The following GLIS3 variants were observed in gnomAD, a reference collection of about 807,000 sequenced individuals.
The protein encoded by GLIS3 is GLIS family zinc finger 3.
A neutral mutation model predicts 78.6 loss-of-function variants in GLIS3; 53 were observed. The ratio of observed to expected loss-of-function variants is 0.67; its 90% CI spans 0.54 to 0.85. The LOEUF (loss-of-function observed/expected upper bound fraction) is 0.85. GLIS3 is among the 40% of genes least tolerant of loss of function. GLIS3 has a pLI of 0.00. For synonymous variants in GLIS3, 684 were observed against 509.9 expected, an observed-to-expected ratio of 1.34 and a Z score of -4.60; for missense variants, 1,703 against 1,231.1, an observed-to-expected ratio of 1.38 and a Z score of -5.74.
intron 4 of GLIS3, among the ~76,000 whole-genome samples, chr9:4,021,938 C>A (rs1014866703): frequency 6.6e-6 from 1 of 152,186 alleles, no homozygotes; most frequent in Non-Finnish European, 1.5e-5. Context: ...AGAAACCAGA[C>A]ACACACAGTC....
At chr9:4,315,714 G>T (rs557807734) in intron 2 of GLIS3, among the ~76,000 whole-genome samples, 1 of 152,266 alleles carries the variant, frequency 6.6e-6, no homozygotes, top group South Asian at 2.1e-4. Context: ...TTTGGGGCCA[G>T]CCTCTCTTGA....
chr9:4,211,005 TCTC>T (rs1820326561), intron 2 of GLIS3, among the ~76,000 whole-genome samples: 1 of 152,170 alleles, frequency 6.6e-6, no homozygotes, highest in Admixed American at 6.5e-5. Context: ...ACCACACTCT[TCTC>T]CACTTAAGTA....
the GLIS3 span, among the ~76,000 whole-genome samples, chr9:4,468,123 G>A: frequency 3.3e-5 from 5 of 152,206 alleles, no homozygotes; most frequent in Non-Finnish European, 7.3e-5. Context: ...AAGCCTCCAA[G>A]AAATATGGGA....
intron 4 of GLIS3, among the ~76,000 whole-genome samples, chr9:4,030,064 C>T (rs1027947744): frequency 6.6e-6 from 1 of 152,140 alleles, no homozygotes; most frequent in African/African-American, 2.4e-5. Context: ...TTTCCACCAA[C>T]AGTGTATGAA....
intron 2 of GLIS3, among the ~76,000 whole-genome samples, chr9:4,319,741 G>T (rs1817494866): frequency 6.6e-6 from 1 of 152,062 alleles, no homozygotes; most frequent in African/African-American, 2.4e-5. Context: ...TGTTGCCCAG[G>T]ATGGTTTTGA....
At chr9:4,198,508 A>G (rs1819069524) in intron 2 of GLIS3, among the ~76,000 whole-genome samples, 1 of 152,204 alleles carries the variant, frequency 6.6e-6, no homozygotes, top group East Asian at 1.9e-4. Flanking sequence ...ACAAAACTAA[A>G]GAAAAAAAGA....
chr9:3,959,778 G>A (rs1209423668), intron 4 of GLIS3, among the ~76,000 whole-genome samples: 2 of 152,208 alleles, frequency 1.3e-5, no homozygotes, highest in Non-Finnish European at 2.9e-5. Context: ...TTTGGAGACA[G>A]GGTCTTTCCA....
At chr9:4,353,768 T>G in the GLIS3 span, among the ~76,000 whole-genome samples, 1 of 152,158 alleles carries the variant, frequency 6.6e-6, no homozygotes, top group Non-Finnish European at 1.5e-5. Context: ...CAAAGATGTA[T>G]GTTCTGAATT....
At chr9:4,368,746 C>T in the GLIS3 span, among the ~76,000 whole-genome samples, 1 of 152,158 alleles carries the variant, frequency 6.6e-6, no homozygotes. Flanking sequence ...GGCTCCTCAG[C>T]TTTAAGAAGA....
chr9:3,965,331 C>A (rs1457859153), intron 4 of GLIS3, among the ~76,000 whole-genome samples: 1 of 151,188 alleles, frequency 6.6e-6, no homozygotes, highest in Non-Finnish European at 1.5e-5. Flanking sequence ...ATAGCTGGGA[C>A]TACAGGCGCG....
chr9:4,010,469 G>T (rs1490953499), intron 4 of GLIS3, among the ~76,000 whole-genome samples: 1 of 152,142 alleles, frequency 6.6e-6, no homozygotes, highest in African/African-American at 2.4e-5. Flanking sequence ...CCTTACTGCA[G>T]GGCTCCAGGT....
intron 4 of GLIS3, chr9:4,081,401 T>G (rs1437086984): frequency 1.3e-5 from 2 of 152,198 alleles, no homozygotes; most frequent in Non-Finnish European, 2.9e-5. Context: ...GCACCTACAT[T>G]TGGCCATGTA....
chr9:4,364,411 A>T, the GLIS3 span, among the ~76,000 whole-genome samples: 8 of 152,204 alleles, frequency 5.3e-5, no homozygotes, highest in Non-Finnish European at 1.2e-4. Context: ...GAACAGTTTC[A>T]TTAATAGGAA....
intron 2 of GLIS3, among the ~76,000 whole-genome samples, chr9:4,150,191 C>T (rs193291108): frequency 2.2e-4 from 33 of 152,256 alleles, no homozygotes; most frequent in Middle Eastern, 3.4e-3. Flanking sequence ...ACCAACCTAC[C>T]TTAAAAACAA....
At chr9:4,346,358 G>C (rs1817896754) in intron 2 of GLIS3, among the ~76,000 whole-genome samples, 2 of 151,154 alleles carry the variant, frequency 1.3e-5, no homozygotes, top group East Asian at 2.0e-4. Flanking sequence ...GACAGTCAAA[G>C]CAGAGCGATG....
At chr9:4,175,717 A>G (rs974422865) in intron 2 of GLIS3, among the ~76,000 whole-genome samples, 1 of 152,212 alleles carries the variant, frequency 6.6e-6, no homozygotes, top group Non-Finnish European at 1.5e-5. Flanking sequence ...CATAACCACC[A>G]TAACGCTGGG....
intron 2 of GLIS3, among the ~76,000 whole-genome samples, chr9:4,162,441 T>G (rs1835556316): frequency 6.6e-6 from 1 of 152,092 alleles, no homozygotes; most frequent in African/African-American, 2.4e-5. Flanking sequence ...CTGAAGAACA[T>G]TTGCAGACAA....
At chr9:3,852,027 C>T (rs557735573) in intron 9 of GLIS3, among the ~76,000 whole-genome samples, 2 of 152,210 alleles carry the variant, frequency 1.3e-5, no homozygotes, top group South Asian at 4.2e-4. Context: ...CGCCTGTAAT[C>T]CCAGCTACTC....
the GLIS3 span, among the ~76,000 whole-genome samples, chr9:4,475,385 A>G: frequency 1.3e-5 from 2 of 152,068 alleles, no homozygotes; most frequent in Non-Finnish European, 2.9e-5. Flanking sequence ...ATTTCATTTA[A>G]TTTTTCCAGA....
Sources: allele counts gnomAD v4.1 joint callset (sites outside exome capture counted in the v4.1 genomes callset), GRCh38; gene constraint gnomAD v4.1.1; transcripts MANE v1.5; gene names NCBI Gene and HGNC (gene_info 2026-07-23, HGNC 2026-07-21).